Variants in PCDH11X observed in about 807,000 individuals in gnomAD.
PCDH11X encodes protocadherin-11 X-linked.
PCDH11X carries 18 observed loss-of-function variants against 53.3 expected under a neutral mutation model. That is an observed-to-expected ratio of 0.34 (90% confidence interval 0.23 to 0.50). The LOEUF (loss-of-function observed/expected upper bound fraction) is 0.50, where lower values mean the gene tolerates loss of function less well. PCDH11X is among the 20% of genes least tolerant of loss of function. The probability of loss-of-function intolerance (pLI) is 0.98; values close to 1 mark genes in which losing one functional copy is unlikely to be tolerated. For synonymous variants in PCDH11X, 279 were observed against 393.3 expected (o/e 0.71, Z 3.44); for missense variants, 570 against 1,032.4 (o/e 0.55, Z 6.14).
At chrX:92,300,327 G>A (rs745505404) in intron 8 of PCDH11X, among the ~76,000 whole-genome samples, 11 of 111,309 alleles carry the variant, frequency 9.9e-5, no homozygotes, top group African/African-American at 3.6e-4. Context: ...GGATACTACT[G>A]TGTTAATTTA....
At chrX:92,196,120 A>G in intron 6 of PCDH11X, among the ~76,000 whole-genome samples, 1 of 111,966 alleles carries the variant, frequency 8.9e-6, no homozygotes, top group East Asian at 2.8e-4. Flanking sequence ...GAAAGAGAAT[A>G]TCTCAATACT....
rs138047348 is a variant in PCDH11X, at chrX:91,964,481, A to G, written c.3033+85208A>G. Reference sequence around the variant, plus strand: ...TAGAAAGAATGCATGTCGTGTTAACATGATGGTGCTATGTTATATTAATGA... The same window carrying G: ...TAGAAAGAATGCATGTCGTGTTAACGTGATGGTGCTATGTTATATTAATGA... On this transcript the variant is annotated intron_variant, in intron 6 of 10. Transcript: ENST00000682573. Among the ~76,000 whole-genome samples, 1,083 of 111,543 alleles carry G rather than the reference A, an allele frequency of 9.7e-3. 25 individuals are homozygous for G. Among genetic ancestry groups the G allele is most frequent in the South Asian group, 0.084 (221 of 2,631 alleles).
intron 6 of PCDH11X, among the ~76,000 whole-genome samples, chrX:91,942,525 G>A (rs891865341): frequency 7.2e-5 from 8 of 110,441 alleles, no homozygotes; most frequent in African/African-American, 2.6e-4. Context: ...TAGATAAGCT[G>A]ATTAGTCCTA....
At chrX:91,818,543 A>T (rs1304955989) in intron 4 of PCDH11X, among the ~76,000 whole-genome samples, 2 of 109,792 alleles carry the variant, frequency 1.8e-5, no homozygotes, top group African/African-American at 6.6e-5. Context: ...ACTAAAAAAA[A>T]AAATACAAAA....
intron 6 of PCDH11X, among the ~76,000 whole-genome samples, chrX:91,897,011 A>G (rs1260628250): frequency 9.9e-6 from 1 of 101,449 alleles, no homozygotes; most frequent in Non-Finnish European, 1.9e-5. Context: ...GATTATTTTT[A>G]TTAGATTTTC....
At chrX:92,344,668 T>C (rs1308558176) in intron 8 of PCDH11X, among the ~76,000 whole-genome samples, 1 of 98,120 alleles carries the variant, frequency 1.0e-5, no homozygotes, top group Admixed American at 1.2e-4. Context: ...AAATTAATGA[T>C]GCTTGATAAA....
chrX:92,330,441 G>T (rs1038545144), intron 8 of PCDH11X, among the ~76,000 whole-genome samples: 1 of 111,181 alleles, frequency 9.0e-6, no homozygotes, highest in Non-Finnish European at 1.9e-5. Context: ...TATTGGTGAG[G>T]ATGTGGAGCA....
At chrX:92,589,057 A>T (rs1438938453) in intron 10 of PCDH11X, among the ~76,000 whole-genome samples, 1 of 111,564 alleles carries the variant, frequency 9.0e-6, no homozygotes. Flanking sequence ...ACCAACAACA[A>T]CAACAAAGAA....
chrX:91,865,702 C>T (rs1938940339), intron 5 of PCDH11X, among the ~76,000 whole-genome samples: 1 of 112,256 alleles, frequency 8.9e-6, no homozygotes, highest in Non-Finnish European at 1.9e-5. Flanking sequence ...TGAGTTGGCA[C>T]TCAAACCACA....
chrX:92,435,638 TAAAC>T (rs1208696967), intron 9 of PCDH11X, among the ~76,000 whole-genome samples: 3 of 111,443 alleles, frequency 2.7e-5, no homozygotes, highest in Non-Finnish European at 5.7e-5. Context: ...TCAACATTCT[TAAAC>T]AAACAAACAA....
rs1014028035 is a variant in PCDH11X at position 91,936,815 on chromosome X, C to T, written c.3033+57542C>T. On this transcript the variant is annotated intron_variant, in intron 6 of 10. Coordinates refer to ENST00000682573, the MANE Select transcript of PCDH11X (RefSeq NM_032968.5). ...AAGGAAATGATCGTAATTGAATGGGCTTAACACTTTACCTTTTCATTTTTT... is the reference window on the plus strand; with the variant it reads ...AAGGAAATGATCGTAATTGAATGGGTTTAACACTTTACCTTTTCATTTTTT... 1.5e-4 allele frequency among the ~76,000 whole-genome samples: 16 copies of T among 107,742 alleles called. No homozygotes were observed. The Admixed American group carries it at 1.5e-3, about 10-fold the overall frequency. 93.6% of individuals were successfully genotyped at this position (107,742 alleles called of 115,157 possible).
chrX:92,522,069 C>T (rs2074378367), intron 10 of PCDH11X, among the ~76,000 whole-genome samples: 1 of 112,149 alleles, frequency 8.9e-6, no homozygotes, highest in South Asian at 3.7e-4. Flanking sequence ...TGGAATATAA[C>T]TTTTACTTTT....
At chrX:92,538,874 T>C (rs1379356100) in intron 10 of PCDH11X, among the ~76,000 whole-genome samples, 1 of 100,542 alleles carries the variant, frequency 9.9e-6, no homozygotes, top group African/African-American at 3.6e-5. Flanking sequence ...GTGAGTCTTC[T>C]ACCTTCAGAT....
At chrX:92,560,798 T>A (rs2075120224) in intron 10 of PCDH11X, among the ~76,000 whole-genome samples, 1 of 104,486 alleles carries the variant, frequency 9.6e-6, no homozygotes, top group Non-Finnish European at 1.9e-5. Flanking sequence ...CTGGTGAAAC[T>A]TTTGATGCCA....
chrX:92,335,586 C>G (rs2069597220), intron 8 of PCDH11X, among the ~76,000 whole-genome samples: 2 of 110,333 alleles, frequency 1.8e-5, no homozygotes, highest in South Asian at 7.8e-4. Flanking sequence ...AAAATGAACT[C>G]CTCTCTAATC....
chrX:91,941,250 A>C (rs1170542676), intron 6 of PCDH11X, among the ~76,000 whole-genome samples: 3 of 111,554 alleles, frequency 2.7e-5, no homozygotes, highest in Non-Finnish European at 5.7e-5. Flanking sequence ...AACACCTTTG[A>C]ATATAAACAG....
chrX:91,924,883 T>G (rs1941889101), intron 6 of PCDH11X, among the ~76,000 whole-genome samples: 1 of 111,230 alleles, frequency 9.0e-6, no homozygotes, highest in African/African-American at 3.3e-5. Flanking sequence ...TTTTTAAACA[T>G]GCCACTTAGG....
chrX:92,591,703 G>T (rs1199385444), intron 10 of PCDH11X, among the ~76,000 whole-genome samples: 1 of 111,561 alleles, frequency 9.0e-6, no homozygotes, highest in Non-Finnish European at 1.9e-5. Flanking sequence ...GTTTATGTCA[G>T]GTAGCCAGTC....
chrX:92,395,605 C>A (rs1286822417), intron 9 of PCDH11X, among the ~76,000 whole-genome samples: 1 of 110,706 alleles, frequency 9.0e-6, no homozygotes, highest in Non-Finnish European at 1.9e-5. Context: ...ATTAAAATCC[C>A]AGAATTTACA....
Sources: allele counts gnomAD v4.1 joint callset (sites outside exome capture counted in the v4.1 genomes callset), GRCh38; gene constraint gnomAD v4.1.1; transcripts MANE v1.5; gene names NCBI Gene and HGNC (gene_info 2026-07-23, HGNC 2026-07-21).